ERICH1: variants seen among roughly 807,000 people sequenced by gnomAD.
ERICH1 encodes glutamate rich 1.
In ERICH1, 56 loss-of-function variants were observed where a neutral mutation model predicts 39.6. The ratio of observed to expected loss-of-function variants is 1.41; its 90% confidence interval spans 1.14 to 1.77. The LOEUF (loss-of-function observed/expected upper bound fraction) is 1.77. ERICH1 is among the 40% of genes most tolerant of loss of function. ERICH1 has a pLI of 0.00. For missense variants in ERICH1, 826 were observed against 575.4 expected (o/e 1.44, Z -4.45); for synonymous variants, 313 against 223.6 (o/e 1.40, Z -3.57).
chr8:651,443 G>A (rs555167779), intron 3 of ERICH1, among the ~76,000 whole-genome samples: 1 of 152,204 alleles, frequency 6.6e-6, no homozygotes, highest in East Asian at 1.9e-4. Context: ...GGTAAGCCTG[G>A]GGCTTCAGGG....
chr8:632,559 G>A (rs566431405), intron 3 of ERICH1, among the ~76,000 whole-genome samples: 4 of 152,020 alleles, frequency 2.6e-5, no homozygotes, highest in Admixed American at 2.0e-4. Flanking sequence ...AATAACAAAA[G>A]GTAAGTATCC....
intron 1 of ERICH1, 141 bp downstream of exon 1, chr8:730,999 C>G (rs1563391188): frequency 1.0e-6 from 1 of 992,492 alleles, no homozygotes; most frequent in African/African-American, 1.7e-5. Flanking sequence ...TGGGTAGGGA[C>G]TGGGGTGGAG....
chr8:627,190 G>A (rs764805214), intron 3 of ERICH1: 1 of 456,282 alleles, frequency 2.2e-6, no homozygotes. Flanking sequence ...CTGATGTGCT[G>A]TGTGACCTGT....
At chr8:677,617 G>A (rs1029872520) in intron 3 of ERICH1, among the ~76,000 whole-genome samples, 1 of 152,188 alleles carries the variant, frequency 6.6e-6, no homozygotes, top group Non-Finnish European at 1.5e-5. Flanking sequence ...CTCTGGGTCT[G>A]CCCTGAACAC....
intron 3 of ERICH1, among the ~76,000 whole-genome samples, chr8:653,938 T>TCA (rs1489633750): frequency 1.3e-5 from 2 of 151,886 alleles, no homozygotes; most frequent in Admixed American, 6.6e-5. Context: ...AATGAGCTGG[T>TCA]CACAGAAGGA....
chr8:686,441 G>A (rs1020364801), intron 3 of ERICH1, among the ~76,000 whole-genome samples: 7 of 151,416 alleles, frequency 4.6e-5, no homozygotes, highest in Admixed American at 2.6e-4. Context: ...TTTCTTCCTA[G>A]GCAAGCTAAA....
chr8:676,637 G>C (rs543092516), intron 3 of ERICH1, among the ~76,000 whole-genome samples: 1 of 152,322 alleles, frequency 6.6e-6, no homozygotes, highest in East Asian at 1.9e-4. Flanking sequence ...GCCAAGAACA[G>C]ACGGCACATG....
chr8:677,409 G>A (rs1050806009), intron 3 of ERICH1, among the ~76,000 whole-genome samples: 4 of 152,196 alleles, frequency 2.6e-5, no homozygotes, highest in African/African-American at 7.2e-5. Context: ...CCACCACAGC[G>A]TGGCACAGGC....
At chr8:637,926 C>T (rs996791987) in intron 3 of ERICH1, among the ~76,000 whole-genome samples, 3 of 152,246 alleles carry the variant, frequency 2.0e-5, no homozygotes. Context: ...ATGCAGGGGC[C>T]AGGCTTTCTG....
intron 3 of ERICH1, among the ~76,000 whole-genome samples, chr8:620,467 C>T (rs1797215847): frequency 6.6e-6 from 1 of 152,150 alleles, no homozygotes; most frequent in Non-Finnish European, 1.5e-5. Flanking sequence ...CAGAAACCTG[C>T]TTATCAAGTG....
Position 673,561 on chromosome 8 carries a change from T to G in ERICH1, c.791A>C (p.Glu264Ala). Residue 264 changes from glutamate to alanine, a missense_variant, in exon 4 of 6, where the codon GAA becomes GCA. Coordinates refer to ENST00000262109, the MANE Select transcript of ERICH1 (RefSeq NM_207332.3). ...CTCCTCCCTGGCGTCTTTAACGTCT[T>G]CCTCCCCGGCCGGTGTCGGATCTTC... The part of the protein sequence containing the change: ...SEEDPTPAGE[E>A]DVKDAREEDG... The G allele has an allele frequency of 6.4e-7, 1 of 1,552,300 alleles. No homozygotes were observed. Among genetic ancestry groups the G allele is most frequent in the Non-Finnish European group, 8.8e-7 (1 of 1,131,908 alleles).
At chr8:714,008 C>A (rs1300690549) in intron 2 of ERICH1, among the ~76,000 whole-genome samples, 3 of 141,084 alleles carry the variant, frequency 2.1e-5, no homozygotes, top group African/African-American at 5.6e-5. Context: ...GCGGCCTCTT[C>A]CGGCATCTCT....
intron 3 of ERICH1, among the ~76,000 whole-genome samples, chr8:621,739 A>C (rs1157427438): frequency 2.6e-5 from 4 of 152,324 alleles, no homozygotes; most frequent in African/African-American, 9.6e-5. Context: ...TACCAAAGTT[A>C]GAAATGGAAG....
intron 3 of ERICH1, chr8:627,094 T>C (rs1797630401): frequency 2.2e-6 from 1 of 455,988 alleles, no homozygotes; most frequent in African/African-American, 2.0e-5. Flanking sequence ...GGGATGGACG[T>C]ATCCCTAGAC....
At chr8:616,452 G>A (rs962923430) in intron 3 of ERICH1, 19 of 449,960 alleles carry the variant, frequency 4.2e-5, no homozygotes, top group African/African-American at 3.0e-4. Context: ...CTGGCTAAGC[G>A]GATTCAGCGC....
intron 3 of ERICH1, among the ~76,000 whole-genome samples, chr8:650,651 G>T (rs1370955659): frequency 6.6e-6 from 1 of 152,342 alleles, no homozygotes; most frequent in Non-Finnish European, 1.5e-5. Flanking sequence ...CCATAGGGCA[G>T]GAGAGAAGGA....
chr8:699,312 G>C (rs977941796), intron 2 of ERICH1, among the ~76,000 whole-genome samples: 5 of 152,132 alleles, frequency 3.3e-5, no homozygotes, highest in Non-Finnish European at 7.4e-5. Flanking sequence ...CCACCAGAGG[G>C]CTGGACAGAA....
rs185712705 is a variant in ERICH1 at position 645,981 on chromosome 8, C to T, written c.976+22617G>A. On this transcript the variant is annotated intron_variant, in intron 3 of 3. Transcript: ENST00000522706. ...TGCACTGAGATGCATGTTTTTGGCA[C>T]TGGCTGCTCTCGTTTGTCTCCAACA... 2.9e-5 allele frequency among the ~76,000 whole-genome samples: 2 copies of T among 70,134 alleles called. 1 individual carries two copies. The highest frequency in any genetic ancestry group is 9.0e-5 in the Non-Finnish European group (2 of 22,168). The allele number at this position is 70,134 out of a possible 152,430, so 46.0% of individuals were successfully genotyped here.
At chr8:723,553 C>T (rs1817838021) in intron 1 of ERICH1, among the ~76,000 whole-genome samples, 1 of 152,228 alleles carries the variant, frequency 6.6e-6, no homozygotes, top group African/African-American at 2.4e-5. Context: ...ACAAAACACA[C>T]ACAAACCACA....
Sources: gnomAD v4.1 joint callset for allele counts (sites outside exome capture counted in the v4.1 genomes callset) on GRCh38, gnomAD v4.1.1 for gene constraint, MANE v1.5 for transcripts, NCBI Gene and HGNC (gene_info 2026-07-23, HGNC 2026-07-21) for gene names.